Variants in AKAP13 observed in about 807,000 individuals in gnomAD.
The protein encoded by AKAP13 is A-kinase anchor protein 13.
A neutral mutation model predicts 264.5 loss-of-function variants in AKAP13; 80 were observed. The ratio of observed to expected loss-of-function variants is 0.30; its 90% CI spans 0.25 to 0.36. AKAP13 has a LOEUF of 0.36. AKAP13 is among the 10% of genes least tolerant of loss of function. The pLI, the probability that AKAP13 is intolerant of heterozygous loss-of-function variation, is 1.00. For synonymous variants in AKAP13, 1,380 were observed against 1,250.2 expected, an observed-to-expected ratio of 1.10 and a Z score of -2.19; for missense variants, 3,712 against 3,435.2, an observed-to-expected ratio of 1.08 and a Z score of -2.01.
At chr15:85,438,258 A>G (rs1245155326) in intron 1 of AKAP13, among the ~76,000 whole-genome samples, 2 of 132,548 alleles carry the variant, frequency 1.5e-5, no homozygotes, top group African/African-American at 3.2e-5. Flanking sequence ...TCCAACTTAA[A>G]AGGGATGTGA....
chr15:85,415,075 A>T (rs2072174828), intron 1 of AKAP13, among the ~76,000 whole-genome samples: 1 of 152,144 alleles, frequency 6.6e-6, no homozygotes, highest in Admixed American at 6.5e-5. Flanking sequence ...GGTGGTAGTG[A>T]AGTTACTCTG....
chr15:85,438,270 G>A (rs892827390), intron 1 of AKAP13, among the ~76,000 whole-genome samples: 1 of 135,342 alleles, frequency 7.4e-6, no homozygotes, highest in African/African-American at 3.1e-5. Flanking sequence ...GGGATGTGAA[G>A]GACCTCTTCA....
Position 85,740,252 on chromosome 15 carries a change from G to A in AKAP13, c.7588G>A (p.Glu2530Lys), listed in dbSNP as rs150081112. 2,716 of 1,614,050 alleles carry A rather than the reference G, an allele frequency of 1.7e-3. 9 individuals are homozygous for A. The highest frequency in any genetic ancestry group is 2.2e-3 in the Admixed American group (135 of 60,012). The change falls in exon 34 of 37, where the codon GAG (glutamate) becomes AAG (lysine). Residue 2530 changes from glutamate to lysine, a missense_variant. By Grantham distance (56) the Glu-to-Lys change is moderately conservative. This residue lies in a region of AKAP13 where 611 missense variants were observed against 539.3 expected (regional missense o/e 1.13). Transcript: ENST00000394518. ...TGTCCAGAGCGTTGTTCATCTCTAC[G>A]AGCTCCTCAGCGCTCTGCAGGTGCG... ...QVVQSVVHLY[E>K]LLSALQGVVL...
Position 85,463,236 on chromosome 15 carries a change from A to G in AKAP13, c.-11-22474A>G, listed in dbSNP as rs577615402. Among the ~76,000 whole-genome samples the G allele has an allele frequency of 1.8e-4, 28 of 152,258 alleles. No individual in the cohort carries two copies. The South Asian group carries it at 4.8e-3, about 26-fold the overall frequency. Reference sequence around the variant, plus strand: ...ATAATATGCATGTAATTGGAGTTCTAAAAAGAAGGGAGCATGGGAAAGAAA... The same window carrying G: ...ATAATATGCATGTAATTGGAGTTCTGAAAAGAAGGGAGCATGGGAAAGAAA... On this transcript the variant is annotated intron_variant, in intron 1 of 36. Transcript: ENST00000394518.
chr15:85,662,163 C>T (rs1596960892), intron 12 of AKAP13, among the ~76,000 whole-genome samples: 1 of 152,298 alleles, frequency 6.6e-6, no homozygotes, highest in Non-Finnish European at 1.5e-5. Flanking sequence ...AACCCACAGT[C>T]TTTTTCCACA....
chr15:85,655,456 A>T lies in AKAP13; in HGVS notation c.4414A>T (p.Ser1472Cys), dbSNP rs765796272. ...TTTGGCCTGTGATATCACCGGATCCAGTTCATCCACCGATGACACGGCTTC... is the reference window on the plus strand; with the variant it reads ...TTTGGCCTGTGATATCACCGGATCCTGTTCATCCACCGATGACACGGCTTC... ...EHLACDITGS[S>C]SSTDDTASLD... Residue 1472 changes from serine (S) to cysteine (C), a missense_variant, in exon 11 of 37, where the codon AGT becomes TGT. Physicochemically the swap from Ser to Cys is moderately radical, Grantham distance 112. Coordinates refer to ENST00000394518, the MANE Select transcript of AKAP13 (RefSeq NM_007200.5). The T allele has an allele frequency of 6.2e-7, 1 of 1,614,164 alleles. No homozygotes were observed. Among genetic ancestry groups the T allele is most frequent in the South Asian group, 1.1e-5 (1 of 91,076 alleles).
intron 2 of AKAP13, among the ~76,000 whole-genome samples, chr15:85,496,846 G>GA (rs1418389139): frequency 1.3e-5 from 2 of 152,214 alleles, no homozygotes; most frequent in Non-Finnish European, 2.9e-5. Context: ...GAAGAATAAG[G>GA]AAATCAAGGG....
At chr15:85,383,522 G>C (rs189020122) in intron 1 of AKAP13, among the ~76,000 whole-genome samples, 1 of 152,348 alleles carries the variant, frequency 6.6e-6, no homozygotes, top group East Asian at 1.9e-4. Context: ...TTAAAAGTCT[G>C]ATGCTTCTGA....
At chr15:85,468,105 G>A (rs1303119583) in intron 1 of AKAP13, among the ~76,000 whole-genome samples, 1 of 152,150 alleles carries the variant, frequency 6.6e-6, no homozygotes, top group Non-Finnish European at 1.5e-5. Flanking sequence ...AGACTATGTT[G>A]GAAAAGCATT....
chr15:85,730,997 CT>C (rs71468134), intron 30 of AKAP13, among the ~76,000 whole-genome samples: 9,139 of 57,626 alleles, frequency 0.16, 55 homozygotes, highest in Middle Eastern at 0.27. Flanking sequence ...GTCACTTATG[CT>C]TTTTTTTTTT....
At chr15:85,634,339 A>AAT (rs2081985579) in intron 8 of AKAP13, among the ~76,000 whole-genome samples, 1 of 152,208 alleles carries the variant, frequency 6.6e-6, no homozygotes, top group Non-Finnish European at 1.5e-5. Flanking sequence ...AGTGATCAGA[A>AAT]ATATATTTTA....
rs1438330764 is a variant in AKAP13 at position 85,665,410 on chromosome 15, CAT to C, written c.4992+658_4992+659del. Among the ~76,000 whole-genome samples the C allele has an allele frequency of 7.9e-5, 12 of 152,276 alleles. No individual in the cohort carries two copies. In the South Asian group the frequency reaches 1.9e-3, roughly 24 times the overall value. ...TATTAATTTTCCCAATTCTCTAAAA[CAT>C]ATCCCAAGTTTCTCCTTTGTAGGAA... is the stretch of plus-strand genomic sequence containing the variant. On this transcript the variant is annotated intron_variant, in intron 13 of 36. Transcript: ENST00000394518.
intron 1 of AKAP13, among the ~76,000 whole-genome samples, chr15:85,431,832 G>A (rs2073035491): frequency 6.6e-6 from 1 of 152,198 alleles, no homozygotes; most frequent in Non-Finnish European, 1.5e-5. Flanking sequence ...TTCTTTAGCA[G>A]ATCAACTCTA....
In AKAP13 at chr15:85,463,819, T is replaced by TC. The variant is rs201943985; in HGVS notation, c.-11-21886dup. Among the ~76,000 whole-genome samples the TC allele has an allele frequency of 1.7e-3, 261 of 151,826 alleles. 1 individual carries two copies. Among genetic ancestry groups the TC allele is most frequent in the African/African-American group, 6.0e-3 (247 of 41,410 alleles). ...GTTGGGTCTTTACTTTTTTTTTTTTTCCCCCTGGGTGATGTTGCTGGTGGC... is the reference window on the plus strand; with the variant it reads ...GTTGGGTCTTTACTTTTTTTTTTTTTCCCCCCTGGGTGATGTTGCTGGTGGC... On this transcript the variant is annotated intron_variant, in intron 1 of 36. Coordinates refer to ENST00000394518, the MANE Select transcript of AKAP13 (RefSeq NM_007200.5).
At chr15:85,495,333 G>T (rs1466619466) in intron 2 of AKAP13, among the ~76,000 whole-genome samples, 1 of 152,166 alleles carries the variant, frequency 6.6e-6, no homozygotes, top group African/African-American at 2.4e-5. Context: ...AATGATCTGT[G>T]CAGCTGTAAC....
intron 8 of AKAP13, among the ~76,000 whole-genome samples, chr15:85,607,519 G>A (rs1159385035): frequency 6.6e-6 from 1 of 151,988 alleles, no homozygotes; most frequent in Non-Finnish European, 1.5e-5. Flanking sequence ...GAGAAACTGA[G>A]GAACAGAAAG....
intron 1 of AKAP13, among the ~76,000 whole-genome samples, chr15:85,424,403 G>A (rs1008375009): frequency 4.6e-5 from 7 of 152,168 alleles, no homozygotes; most frequent in Non-Finnish European, 1.0e-4. Flanking sequence ...TAAACCTCAT[G>A]AACCAATGCT....
chr15:85,595,374 C>T (rs1463520928), intron 8 of AKAP13, among the ~76,000 whole-genome samples: 4 of 152,182 alleles, frequency 2.6e-5, no homozygotes, highest in Non-Finnish European at 5.9e-5. Context: ...GCTGGGAATA[C>T]AGGCATGAGC....
intron 16 of AKAP13, among the ~76,000 whole-genome samples, chr15:85,690,328 T>G (rs1038390483): frequency 2.6e-5 from 4 of 152,216 alleles, no homozygotes; most frequent in Non-Finnish European, 4.4e-5. Flanking sequence ...AATTTAACTT[T>G]CCTGAGCAAA....
Sources: gnomAD v4.1 joint callset for allele counts (sites outside exome capture counted in the v4.1 genomes callset) on GRCh38, gnomAD v4.1.1 for gene constraint, gnomAD v4.1.1 regional missense constraint, MANE v1.5 for transcripts, NCBI Gene and HGNC (gene_info 2026-07-23, HGNC 2026-07-21) for gene names.